Variants in PABPC1L observed in about 807,000 individuals in gnomAD.
PABPC1L encodes polyadenylate-binding protein 1-like.
Under a neutral mutation model 66.6 loss-of-function variants are expected in PABPC1L, and 31 were observed. The observed-to-expected ratio is 0.47, with a 90% CI of 0.35 to 0.63. PABPC1L has a LOEUF of 0.63. Ranked by LOEUF, PABPC1L falls within the 20% of genes least tolerant of loss-of-function variation. PABPC1L has a pLI of 0.00. For synonymous variants in PABPC1L, 348 were observed against 335.1 expected, an observed-to-expected ratio of 1.04 and a Z score of -0.42; for missense variants, 722 against 848.8, an observed-to-expected ratio of 0.85 and a Z score of 1.86.
chr20:44,921,859 G>A (rs1305544797), intron 6 of PABPC1L, 128 bp downstream of exon 6: 5 of 1,398,300 alleles, frequency 3.6e-6, no homozygotes, highest in Admixed American at 2.3e-5. Flanking sequence ...GGAATTGAAT[G>A]AGCATGGGAT....
intron 1 of PABPC1L, among the ~76,000 whole-genome samples, chr20:44,911,324 C>A (rs1027394305): frequency 1.3e-5 from 2 of 152,074 alleles, no homozygotes; most frequent in Admixed American, 6.6e-5. Flanking sequence ...AATAGCTGGG[C>A]ATGATGGCGG....
At position 44,923,785 on chromosome 20, in the gene PABPC1L, A is replaced by G. The variant is rs575138319; in HGVS notation, c.877-376A>G. 3.1e-4 allele frequency among the ~76,000 whole-genome samples: 47 copies of G among 152,114 alleles called. 1 individual carries two copies. The highest frequency in any genetic ancestry group is 3.3e-4 in the Admixed American group (5 of 15,294). On this transcript the variant is annotated intron_variant, in intron 6 of 14. Coordinates refer to ENST00000217073, the MANE Select transcript of PABPC1L (RefSeq NM_001372179.1). ...GGTTCTGGTCATGGGCCAGCCAGGG[A>G]GGAGCTCTGACTCCTGCTGCCCGAC...
intron 9 of PABPC1L, 153 bp from the exon 10 acceptor site, chr20:44,932,904 C>G (rs1169386036): frequency 8.3e-6 from 5 of 603,072 alleles, no homozygotes; most frequent in South Asian, 1.9e-5. Context: ...AGTTCTGGGT[C>G]TAAGTGAATT....
intron 5 of PABPC1L, among the ~76,000 whole-genome samples, chr20:44,920,326 C>G (rs1366744619): frequency 6.6e-5 from 10 of 152,264 alleles, no homozygotes; most frequent in African/African-American, 2.4e-4. Flanking sequence ...TGCCCCTTAA[C>G]CCCTGGCAAC....
Position 44,912,788 on chromosome 20 carries a change from G to A in PABPC1L, c.322G>A (p.Asp108Asn), listed in dbSNP as rs2066714045. ...CAACATCTTCATCAAGAACCTGGAG[G>A]ACTCCATTGACAACAAGGCTTTATA... ...VGNIFIKNLE[D>N]SIDNKALYDT... Residue 108 changes from aspartate (D) to asparagine (N), a missense_variant, in exon 2 of 15, where the codon GAC becomes AAC. Around this residue, in one of 3 missense-constraint regions of PABPC1L, gnomAD observed 284 missense variants for 294.8 expected, o/e 0.96. Coordinates refer to ENST00000217073, the MANE Select transcript of PABPC1L (RefSeq NM_001372179.1). 1 of 1,614,150 alleles carries A rather than the reference G, an allele frequency of 6.2e-7. No homozygotes were observed. Among genetic ancestry groups the A allele is most frequent in the African/African-American group, 1.3e-5 (1 of 75,036 alleles).
Position 44,930,576 on chromosome 20 carries a change from C to T in PABPC1L, c.1089C>T (p.Leu363=). ...GGCGCATCGTGGGCACCAAGCCACTCTACGTGGCACTGGCCCAGCGCAAAG... is the reference window on the plus strand; with the variant it reads ...GGCGCATCGTGGGCACCAAGCCACTTTACGTGGCACTGGCCCAGCGCAAAG... ...MNGRIVGTKP[L]YVALAQRKEE... The change falls in exon 8 of 15, where the codon CTC becomes CTT. Residue 363 remains leucine, a synonymous_variant. Transcript: ENST00000217073. 1 of 1,614,260 alleles carries T rather than the reference C, an allele frequency of 6.2e-7. No homozygotes were observed. Among genetic ancestry groups the T allele is most frequent in the Non-Finnish European group, 8.5e-7 (1 of 1,180,042 alleles).
rs986790928 is a variant in PABPC1L at position 44,933,445 on chromosome 20, G to GT, written c.1459+271dup. Among the ~76,000 whole-genome samples the GT allele has an allele frequency of 3.9e-3, 569 of 147,358 alleles. 2 individuals are homozygous for GT. The highest frequency in any genetic ancestry group is 0.011 in the African/African-American group (453 of 40,246). ...CCATTTTATTGTAGAGAATTTAAAT[G>GT]TTTTTTTTTTTCTTTTTGAGGCAGA... On this transcript the variant is annotated intron_variant, in intron 10 of 14. Coordinates refer to ENST00000217073, the MANE Select transcript of PABPC1L (RefSeq NM_001372179.1).
intron 12 of PABPC1L, chr20:44,937,065 A>T (rs2066906872): frequency 2.1e-6 from 1 of 483,838 alleles, no homozygotes; most frequent in Non-Finnish European, 4.2e-6. Context: ...AATGGCTTGT[A>T]GGTGGGGGGT....
rs2145583095 is a variant in PABPC1L, at chr20:44,935,428, A to G, written c.1497A>G (p.Val499=). 1 of 1,614,198 alleles carries G rather than the reference A, an allele frequency of 6.2e-7. No homozygotes were observed. The highest frequency in any genetic ancestry group is 1.3e-5 in the African/African-American group (1 of 75,046). ...CTCAGACCACAGGACCCAGTGGGGT[A>G]GGATGCTGTACACCAGGCCGGCCGC... ...IGTQTTGPSG[V]GCCTPGRPLL... Residue 499 remains valine, a synonymous_variant, in exon 11 of 15, where the codon GTA becomes GTG. Coordinates refer to ENST00000217073, the MANE Select transcript of PABPC1L (RefSeq NM_001372179.1).
chr20:44,933,821 G>A (rs1008878960), intron 10 of PABPC1L, among the ~76,000 whole-genome samples: 1 of 147,908 alleles, frequency 6.8e-6, no homozygotes, highest in Non-Finnish European at 1.5e-5. Context: ...TGTGATCTCG[G>A]CTCACTGCAA....
Position 44,936,667 on chromosome 20 carries a change from C to T in PABPC1L, c.1597C>T (p.Gln533Ter). The T allele has an allele frequency of 1.2e-6, 2 of 1,605,928 alleles. No homozygotes were observed. Among genetic ancestry groups the T allele is most frequent in the Non-Finnish European group, 1.7e-6 (2 of 1,177,190 alleles). ...GGAGCCGGCTGTGCACATCCCAGGA[C>T]AGGAGCCCCTGACCGCGTCCATGCT... ...VQEPAVHIPG[Q>*]EPLTASMLAA... is the part of the protein sequence containing the mutation. Residue 533 changes from glutamine to a stop codon, truncating the protein, a stop_gained, in exon 12 of 15, where the codon CAG becomes TAG. Transcript: ENST00000217073. LOFTEE classifies it high-confidence loss of function.
chr20:44,922,050 A>C (rs2066778000), intron 6 of PABPC1L, among the ~76,000 whole-genome samples: 1 of 152,158 alleles, frequency 6.6e-6, no homozygotes, highest in Non-Finnish European at 1.5e-5. Context: ...AGACAACCAA[A>C]GTACCCCGCA....
chr20:44,925,370 G>C (rs1268574495), intron 7 of PABPC1L, among the ~76,000 whole-genome samples: 1 of 152,190 alleles, frequency 6.6e-6, no homozygotes, highest in African/African-American at 2.4e-5. Flanking sequence ...GTCTAGTGAG[G>C]AAGTCAGCCC....
At position 44,919,738 on chromosome 20, in the gene PABPC1L, C is replaced by T. The variant is rs572337329; in HGVS notation, c.738+461C>T. On this transcript the variant is annotated intron_variant, in intron 5 of 14. Coordinates refer to ENST00000217073, the MANE Select transcript of PABPC1L (RefSeq NM_001372179.1). ...ATGGCTCATGCTTGTAATCCCAGCA[C>T]TTGGGGAGGCTGGGTGGGAAGACTG... Among the ~76,000 whole-genome samples the T allele has an allele frequency of 1.5e-4, 23 of 152,232 alleles. No individual in the cohort carries two copies. The South Asian group carries it at 2.3e-3, about 15-fold the overall frequency.
At chr20:44,933,507 A>G (rs1486998096) in intron 10 of PABPC1L, among the ~76,000 whole-genome samples, 1 of 150,606 alleles carries the variant, frequency 6.6e-6, no homozygotes, top group African/African-American at 2.4e-5. Flanking sequence ...GTGCAATGGC[A>G]TGATCTCTGC....
At chr20:44,926,517 G>T (rs1324580669) in intron 7 of PABPC1L, among the ~76,000 whole-genome samples, 1 of 148,928 alleles carries the variant, frequency 6.7e-6, no homozygotes, top group African/African-American at 2.4e-5. Context: ...GAGCCACCAC[G>T]CCCAGCCTAC....
At chr20:44,930,857 G>A in intron 8 of PABPC1L, 131 bp downstream of exon 8, 3 of 1,254,270 alleles carry the variant, frequency 2.4e-6, no homozygotes, top group South Asian at 1.5e-5. Flanking sequence ...GGAAGTCTTT[G>A]TTTCCCTCTC....
At chr20:44,916,976 A>G in intron 3 of PABPC1L, 105 bp downstream of exon 3, 2 of 1,088,322 alleles carry the variant, frequency 1.8e-6, no homozygotes, top group Non-Finnish European at 2.7e-6. Context: ...GGCACCAGGC[A>G]CTTGAGCGGC....
At chr20:44,923,982 T>C (rs1433921580) in intron 6 of PABPC1L, among the ~76,000 whole-genome samples, 179 bp from the exon 7 acceptor site, 1 of 152,102 alleles carries the variant, frequency 6.6e-6, no homozygotes, top group Non-Finnish European at 1.5e-5. Context: ...GGCTACAGCT[T>C]GCATGTGATG....
Sources: allele counts gnomAD v4.1 joint callset (sites outside exome capture counted in the v4.1 genomes callset), GRCh38; gene constraint gnomAD v4.1.1; regional missense constraint gnomAD v4.1.1; transcripts MANE v1.5; gene names NCBI Gene and HGNC (gene_info 2026-07-23, HGNC 2026-07-21).